CTNND2: variants seen among roughly 807,000 people sequenced by gnomAD.
CTNND2 encodes catenin delta-2.
CTNND2 carries 22 observed loss-of-function variants against 144.4 expected under a neutral mutation model. That is an observed-to-expected ratio of 0.15 (90% CI 0.11 to 0.22). The LOEUF (loss-of-function observed/expected upper bound fraction) is 0.22. CTNND2 is among the 10% of genes least tolerant of loss of function. The pLI is 1.00. For synonymous variants in CTNND2, 751 were observed against 695.6 expected, an observed-to-expected ratio of 1.08 and a Z score of -1.25; for missense variants, 1,353 against 1,618.8, an observed-to-expected ratio of 0.84 and a Z score of 2.82.
chr5:11,873,722 G>A (rs147251918), intron 1 of CTNND2, among the ~76,000 whole-genome samples: 20 of 152,268 alleles, frequency 1.3e-4, no homozygotes, highest in African/African-American at 2.6e-4. Flanking sequence ...CACTTTCTGC[G>A]TGGGAATTTC....
At chr5:11,386,061 A>G (rs2149801705) in intron 6 of CTNND2, 1 of 152,364 alleles carries the variant, frequency 6.6e-6, no homozygotes, top group Non-Finnish European at 1.5e-5. Context: ...ACAAAAGACA[A>G]CAAGGGCTGG....
chr5:11,440,986 G>A (rs897507441), intron 3 of CTNND2, among the ~76,000 whole-genome samples: 2 of 152,104 alleles, frequency 1.3e-5, no homozygotes, highest in African/African-American at 4.8e-5. Flanking sequence ...CTATATAGAG[G>A]ATATTCATAG....
At chr5:11,719,831 T>TATAC (rs748986350) in intron 2 of CTNND2, among the ~76,000 whole-genome samples, 1,733 of 109,456 alleles carry the variant, frequency 0.016, 13 homozygotes, top group Non-Finnish European at 0.024. Context: ...AGCTCTGACA[T>TATAC]ATACACACAC....
At chr5:11,232,153 G>T (rs753200159) in intron 10 of CTNND2, among the ~76,000 whole-genome samples, 3 of 152,234 alleles carry the variant, frequency 2.0e-5, no homozygotes, top group Non-Finnish European at 4.4e-5. Flanking sequence ...TGCAGGGGTG[G>T]AGCCCTCATA....
chr5:11,487,521 A>G (rs1768943536), intron 3 of CTNND2, among the ~76,000 whole-genome samples: 1 of 152,198 alleles, frequency 6.6e-6, no homozygotes, highest in Admixed American at 6.5e-5. Flanking sequence ...ACACTGCAGG[A>G]AATGCACAGA....
At chr5:11,300,176 A>T (rs1270968216) in intron 9 of CTNND2, among the ~76,000 whole-genome samples, 1 of 152,032 alleles carries the variant, frequency 6.6e-6, no homozygotes, top group Middle Eastern at 3.2e-3. Context: ...TGGGGAACGG[A>T]TAGGATTTCC....
intron 1 of CTNND2, among the ~76,000 whole-genome samples, chr5:11,769,660 T>C (rs1358485456): frequency 6.6e-6 from 1 of 152,170 alleles, no homozygotes; most frequent in Non-Finnish European, 1.5e-5. Flanking sequence ...TAAAACAAGA[T>C]GGTAACCAGA....
At chr5:11,014,590 A>G (rs1164187386) in intron 18 of CTNND2, among the ~76,000 whole-genome samples, 1 of 152,236 alleles carries the variant, frequency 6.6e-6, no homozygotes, top group African/African-American at 2.4e-5. Context: ...CAAAAGTCAA[A>G]GGTTCCGATG....
chr5:11,837,895 A>C (rs1415973037), intron 1 of CTNND2, among the ~76,000 whole-genome samples: 1 of 152,218 alleles, frequency 6.6e-6, no homozygotes, highest in African/African-American at 2.4e-5. Context: ...TTCTGAAAAC[A>C]ATCAAATGTA....
chr5:11,679,894 T>A (rs1343779692), intron 2 of CTNND2, among the ~76,000 whole-genome samples: 1 of 152,204 alleles, frequency 6.6e-6, no homozygotes, highest in Non-Finnish European at 1.5e-5. Flanking sequence ...ACCAAACAGC[T>A]AGTAACACAT....
At chr5:11,806,850 C>T (rs924507990) in intron 1 of CTNND2, among the ~76,000 whole-genome samples, 3 of 152,040 alleles carry the variant, frequency 2.0e-5, no homozygotes, top group Non-Finnish European at 2.9e-5. Context: ...GCAGTACTTG[C>T]TCCCATAATT....
intron 6 of CTNND2, among the ~76,000 whole-genome samples, chr5:11,385,585 T>A (rs1033884628): frequency 6.6e-6 from 1 of 152,194 alleles, no homozygotes; most frequent in African/African-American, 2.4e-5. Context: ...ATGATCTCCC[T>A]GGTCGCAATC....
intron 3 of CTNND2, among the ~76,000 whole-genome samples, chr5:11,562,345 C>T (rs1388762628): frequency 2.0e-5 from 3 of 152,066 alleles, no homozygotes; most frequent in African/African-American, 7.2e-5. Context: ...GATGTGCTAA[C>T]TAGGTTAGTC....
chr5:11,127,197 T>C (rs1696832180), intron 12 of CTNND2, among the ~76,000 whole-genome samples: 1 of 152,246 alleles, frequency 6.6e-6, no homozygotes, highest in African/African-American at 2.4e-5. Flanking sequence ...GGCTGGCTCA[T>C]GGTGGACCAA....
At chr5:11,318,631 G>A (rs1751734721) in intron 9 of CTNND2, among the ~76,000 whole-genome samples, 1 of 152,132 alleles carries the variant, frequency 6.6e-6, no homozygotes, top group East Asian at 1.9e-4. Flanking sequence ...CATCTACTGT[G>A]CCTTTGCTTT....
At chr5:11,227,340 C>G (rs1001645367) in intron 10 of CTNND2, among the ~76,000 whole-genome samples, 5 of 152,164 alleles carry the variant, frequency 3.3e-5, no homozygotes, top group African/African-American at 9.7e-5. Context: ...GGTAAAGAAA[C>G]TTGCTCAAGG....
chr5:11,895,996 TGAGA>T (rs138746292), intron 1 of CTNND2, among the ~76,000 whole-genome samples: 27,657 of 152,020 alleles, frequency 0.18, 2,999 homozygotes, highest in Admixed American at 0.27. Flanking sequence ...CCTGCCTTGC[TGAGA>T]GAAATATAAA....
intron 9 of CTNND2, among the ~76,000 whole-genome samples, chr5:11,249,129 G>C (rs549753137): frequency 6.6e-6 from 1 of 152,300 alleles, no homozygotes; most frequent in Non-Finnish European, 1.5e-5. Flanking sequence ...ACCAGAAAAA[G>C]CCTGTTATCT....
chr5:11,658,863 A>T (rs1271083695), intron 2 of CTNND2, among the ~76,000 whole-genome samples: 2 of 152,238 alleles, frequency 1.3e-5, no homozygotes, highest in East Asian at 3.8e-4. Flanking sequence ...TTTATCTAAT[A>T]ACACAAATCA....
Sources: allele counts gnomAD v4.1 joint callset (sites outside exome capture counted in the v4.1 genomes callset), GRCh38; gene constraint gnomAD v4.1.1; transcripts MANE v1.5; gene names NCBI Gene and HGNC (gene_info 2026-07-23, HGNC 2026-07-21).